Variants in SMYD3 observed in about 807,000 individuals in gnomAD.
The protein encoded by SMYD3 is histone-lysine N-methyltransferase SMYD3.
In SMYD3, 36 loss-of-function variants were observed where a neutral mutation model predicts 57.7. The observed-to-expected ratio is 0.62, with a 90% CI of 0.48 to 0.82. SMYD3 has a LOEUF of 0.82. Ranked by LOEUF, SMYD3 falls within the 40% of genes least tolerant of loss-of-function variation. The pLI is 0.00. For synonymous variants in SMYD3, 211 were observed against 195.0 expected (o/e 1.08, Z -0.68); for missense variants, 515 against 538.8 (o/e 0.96, Z 0.44).
intron 5 of SMYD3, among the ~76,000 whole-genome samples, chr1:246,293,933 G>A (rs553646007): frequency 8.7e-4 from 132 of 152,234 alleles, no homozygotes; most frequent in African/African-American, 3.0e-3. Flanking sequence ...CAGTCCTCAC[G>A]TTAACTGACG....
At chr1:246,317,054 A>G (rs2065173170) in intron 5 of SMYD3, among the ~76,000 whole-genome samples, 1 of 152,034 alleles carries the variant, frequency 6.6e-6, no homozygotes, top group South Asian at 2.1e-4. Flanking sequence ...TAAGAATGAC[A>G]GTTTAAAATA....
chr1:246,455,905 C>T (rs542368745), intron 1 of SMYD3, among the ~76,000 whole-genome samples: 3 of 152,156 alleles, frequency 2.0e-5, no homozygotes, highest in Admixed American at 6.5e-5. Context: ...TAATGTTTAT[C>T]GGTTGCATCA....
At chr1:246,065,608 C>T (rs1345863383) in intron 5 of SMYD3, among the ~76,000 whole-genome samples, 1 of 152,130 alleles carries the variant, frequency 6.6e-6, no homozygotes, top group East Asian at 1.9e-4. Context: ...GTTTCATCAC[C>T]TATAAACGTA....
intron 10 of SMYD3, among the ~76,000 whole-genome samples, chr1:245,808,196 G>A (rs1487349344): frequency 2.0e-5 from 3 of 152,130 alleles, no homozygotes; most frequent in Admixed American, 6.5e-5. Flanking sequence ...GCAGATAAAC[G>A]CCCTTGGCTG....
At chr1:245,943,085 CCACGAG>C (rs1314757124) in intron 5 of SMYD3, among the ~76,000 whole-genome samples, 1 of 150,146 alleles carries the variant, frequency 6.7e-6, no homozygotes, top group African/African-American at 2.5e-5. Flanking sequence ...AACTAGAGAA[CCACGAG>C]CAAACAAACC....
chr1:245,872,537 T>C (rs924370074), intron 8 of SMYD3, among the ~76,000 whole-genome samples: 14 of 152,302 alleles, frequency 9.2e-5, no homozygotes, highest in African/African-American at 2.9e-4. Context: ...GTCACTCCCT[T>C]GGATCCAACT....
intron 1 of SMYD3, among the ~76,000 whole-genome samples, chr1:246,381,451 G>C (rs2066384405): frequency 6.6e-6 from 1 of 152,220 alleles, no homozygotes; most frequent in Admixed American, 6.5e-5. Flanking sequence ...GAGGCGAACA[G>C]AGACCAAGTT....
At chr1:245,813,860 C>CTATATATATATATATATATATATATA (rs6143718) in intron 10 of SMYD3, among the ~76,000 whole-genome samples, 1 of 146,962 alleles carries the variant, frequency 6.8e-6, no homozygotes, top group African/African-American at 2.6e-5. Context: ...TCATGGAGCC[C>CTATATATATATATATATATATATATA]TATATATATA....
intron 10 of SMYD3, among the ~76,000 whole-genome samples, chr1:245,806,684 G>GCA (rs1440038677): frequency 2.0e-5 from 3 of 152,002 alleles, no homozygotes; most frequent in Non-Finnish European, 4.4e-5. Flanking sequence ...GCCGAGGCGG[G>GCA]TGGATCATGA....
intron 5 of SMYD3, among the ~76,000 whole-genome samples, chr1:245,979,138 C>G (rs902373750): frequency 6.6e-6 from 1 of 152,172 alleles, no homozygotes; most frequent in Non-Finnish European, 1.5e-5. Flanking sequence ...TTTAAACCCT[C>G]TCTCTGTCAT....
chr1:245,894,537 G>A (rs545859886), intron 8 of SMYD3, among the ~76,000 whole-genome samples: 30 of 152,196 alleles, frequency 2.0e-4, no homozygotes, highest in African/African-American at 7.0e-4. Context: ...GCAAAGGTCC[G>A]CGGCTCCATT....
chr1:246,429,361 T>A (rs183180925), intron 1 of SMYD3, among the ~76,000 whole-genome samples: 9 of 152,308 alleles, frequency 5.9e-5, no homozygotes, highest in African/African-American at 1.9e-4. Context: ...ATGCCATTAT[T>A]AAAGATACCA....
chr1:246,155,710 G>C (rs1400156391), intron 5 of SMYD3, among the ~76,000 whole-genome samples: 2 of 152,072 alleles, frequency 1.3e-5, no homozygotes, highest in African/African-American at 4.8e-5. Context: ...CCAGGTACAG[G>C]GGCTCGTGCC....
At chr1:246,161,403 T>G (rs1318094607) in intron 5 of SMYD3, among the ~76,000 whole-genome samples, 1 of 152,168 alleles carries the variant, frequency 6.6e-6, no homozygotes, top group African/African-American at 2.4e-5. Context: ...GCATCCTCTC[T>G]TCCAGGCTGA....
intron 5 of SMYD3, among the ~76,000 whole-genome samples, chr1:246,058,044 T>A (rs1433625501): frequency 6.6e-6 from 1 of 152,190 alleles, no homozygotes; most frequent in Non-Finnish European, 1.5e-5. Context: ...CTGGAAAAGA[T>A]AAAGCTATGG....
chr1:246,464,627 C>T (rs2067856045), intron 1 of SMYD3, among the ~76,000 whole-genome samples: 1 of 152,214 alleles, frequency 6.6e-6, no homozygotes, highest in Admixed American at 6.5e-5. Flanking sequence ...CTCCTCTCCA[C>T]GATGGTGTCT....
chr1:245,922,555 T>C (rs1275631168), intron 7 of SMYD3, among the ~76,000 whole-genome samples: 10 of 152,196 alleles, frequency 6.6e-5, no homozygotes, highest in Non-Finnish European at 1.5e-5. Flanking sequence ...TACTATAGTT[T>C]TGATAGATTC....
rs370845893 is a variant in SMYD3, at chr1:246,112,546, C to CA, written c.532-182610dup. ...GTTGGTTATACACATAAATTGCTAA[C>CA]AAAAAAGGGATCAGAGCTAAATGGA... On this transcript the variant is annotated intron_variant, in intron 5 of 11. Coordinates refer to ENST00000490107, the MANE Select transcript of SMYD3 (RefSeq NM_001167740.2). Among the ~76,000 whole-genome samples the CA allele has an allele frequency of 1.5e-3, 227 of 152,092 alleles. 3 individuals are homozygous for CA. The highest frequency in any genetic ancestry group is 5.3e-3 in the African/African-American group (220 of 41,500).
chr1:245,908,108 C>T (rs1034169812), intron 8 of SMYD3, among the ~76,000 whole-genome samples: 3 of 150,616 alleles, frequency 2.0e-5, no homozygotes, highest in East Asian at 2.0e-4. Context: ...TGCACTCCAA[C>T]GTGGTGATAG....
Sources: allele counts gnomAD v4.1 joint callset (sites outside exome capture counted in the v4.1 genomes callset), GRCh38; gene constraint gnomAD v4.1.1; transcripts MANE v1.5; gene names NCBI Gene and HGNC (gene_info 2026-07-23, HGNC 2026-07-21).